Variants in SYT13 observed in about 807,000 individuals in gnomAD.
The protein encoded by SYT13 is synaptotagmin-13.
Under a neutral mutation model 38.6 loss-of-function variants are expected in SYT13, and 21 were observed. That is an observed-to-expected ratio of 0.54 (90% CI 0.39 to 0.78). The LOEUF is 0.78. Ranked by LOEUF, SYT13 falls within the 30% of genes least tolerant of loss-of-function variation. The pLI, the probability that SYT13 is intolerant of heterozygous loss-of-function variation, is 0.00. For missense variants in SYT13, 495 were observed against 548.7 expected (o/e 0.90, Z 0.98); for synonymous variants, 241 against 237.6 (o/e 1.01, Z -0.13).
At chr11:45,267,078 T>C (rs1168763039) in intron 1 of SYT13, among the ~76,000 whole-genome samples, 2 of 152,234 alleles carry the variant, frequency 1.3e-5, no homozygotes, top group African/African-American at 4.8e-5. Flanking sequence ...AATAACCTTA[T>C]AGGAAGTACA....
At chr11:45,270,264 C>T (rs1046069958) in intron 1 of SYT13, among the ~76,000 whole-genome samples, 2 of 152,200 alleles carry the variant, frequency 1.3e-5, no homozygotes, top group African/African-American at 4.8e-5. Flanking sequence ...GATAGGAACA[C>T]AATTGTTTAA....
chr11:45,245,032 C>G (rs915497513), intron 5 of SYT13, among the ~76,000 whole-genome samples: 4 of 152,210 alleles, frequency 2.6e-5, no homozygotes, highest in African/African-American at 9.6e-5. Context: ...TGTCTGTTAT[C>G]AAAATAGGAG....
At chr11:45,267,903 T>A (rs1440973859) in intron 1 of SYT13, among the ~76,000 whole-genome samples, 1 of 152,126 alleles carries the variant, frequency 6.6e-6, no homozygotes, top group Non-Finnish European at 1.5e-5. Flanking sequence ...TGTTATCCCT[T>A]CCAACACCTC....
intron 1 of SYT13, among the ~76,000 whole-genome samples, chr11:45,283,985 G>T (rs543594181): frequency 6.6e-6 from 1 of 152,344 alleles, no homozygotes; most frequent in South Asian, 2.1e-4. Context: ...CAGGAAGAGG[G>T]TGTTTTGTTT....
chr11:45,254,561 G>T, intron 2 of SYT13, 157 bp from the exon 3 acceptor site: 1 of 1,031,272 alleles, frequency 9.7e-7, no homozygotes, highest in Non-Finnish European at 1.3e-6. Context: ...AACAGGTGGG[G>T]TCAATGTCAC....
intron 1 of SYT13, among the ~76,000 whole-genome samples, chr11:45,261,789 C>T (rs1256808834): frequency 1.3e-5 from 2 of 150,556 alleles, no homozygotes; most frequent in Non-Finnish European, 3.0e-5. Flanking sequence ...TTGTGGTGCA[C>T]ACCTGTATCA....
chr11:45,255,714 G>C lies in SYT13; in HGVS notation c.361C>G (p.Arg121Gly), dbSNP rs369992005. 2.7e-5 allele frequency: 44 copies of C among 1,613,996 alleles called. 1 individual carries two copies. Among genetic ancestry groups the C allele is most frequent in the Non-Finnish European group, 3.7e-5 (44 of 1,180,038 alleles). Residue 121 changes from arginine to glycine, a missense_variant, in exon 2 of 6, where the codon CGC becomes GGC. Transcript: ENST00000020926. ...TCCTCTGTGACCTGCCTCTTGAGGC[G>C]ACTGTCATTCGGGGGTTGGGGGCTG... ...PASPQPPNDSRLKRQVTEELF... is the reference protein window; with the variant it reads ...PASPQPPNDSGLKRQVTEELF...
intron 2 of SYT13, 140 bp from the exon 3 acceptor site, chr11:45,254,544 C>T: frequency 8.2e-7 from 1 of 1,225,068 alleles, no homozygotes; most frequent in Non-Finnish European, 1.1e-6. Flanking sequence ...AGTGGCCACA[C>T]CAAGACAACA....
At position 45,255,819 on chromosome 11, in the gene SYT13, T is replaced by C; in HGVS notation, c.256A>G (p.Arg86Gly). 2 of 1,614,190 alleles carry C rather than the reference T, an allele frequency of 1.2e-6. No homozygotes were observed. Among genetic ancestry groups the C allele is most frequent in the Non-Finnish European group, 1.7e-6 (2 of 1,180,044 alleles). The stretch of plus-strand genomic sequence containing the variant: ...ACCTCTGGAGCCGTCACAGCTGGCC[T>C]GGGTCCATAGATGTCTGGGAACTTG... ...LLKFPDIYGPRPAVTAPEVIN... is the reference protein window; with the variant it reads ...LLKFPDIYGPGPAVTAPEVIN... The change falls in exon 2 of 6, where the codon AGG (arginine) becomes GGG (glycine). Residue 86 changes from arginine to glycine, a missense_variant. Arg to Gly is a moderately radical substitution (Grantham distance 125). Coordinates refer to ENST00000020926, the MANE Select transcript of SYT13 (RefSeq NM_020826.3).
At chr11:45,251,066 A>C (rs1016641199) in intron 4 of SYT13, among the ~76,000 whole-genome samples, 5 of 152,002 alleles carry the variant, frequency 3.3e-5, no homozygotes, top group African/African-American at 1.2e-4. Context: ...GTAGAGTCCT[A>C]AGCATAGTAA....
In SYT13 at chr11:45,252,485, C is replaced by T; in HGVS notation, c.782G>A (p.Gly261Asp). Residue 261 changes from glycine (G) to aspartate (D), a missense_variant, in exon 4 of 6, where the codon GGC becomes GAC. Physicochemically the swap from Gly to Asp is moderately conservative, Grantham distance 94. Coordinates refer to ENST00000020926, the MANE Select transcript of SYT13 (RefSeq NM_020826.3). The surrounding 1 kb of genome is among the most constrained non-coding windows in gnomAD (Gnocchi z 4.3). The part of the protein sequence containing the change: ...RHSVAGELRL[G>D]LDGTSVPLGA... Reference sequence around the variant, plus strand: ...TAGAGGCACAGATGTCCCGTCCAGGCCCAGGCGGAGCTCCCCGGCCACGCT... The same window carrying T: ...TAGAGGCACAGATGTCCCGTCCAGGTCCAGGCGGAGCTCCCCGGCCACGCT... 2.5e-6 allele frequency: 4 copies of T among 1,613,326 alleles called. No homozygotes were observed. The highest frequency in any genetic ancestry group is 1.1e-5 in the South Asian group (1 of 90,990).
chr11:45,254,221 A>G (rs754440443), intron 3 of SYT13, 49 bp downstream of exon 3: 2 of 1,564,480 alleles, frequency 1.3e-6, no homozygotes, highest in African/African-American at 1.4e-5. Flanking sequence ...CAGCTTCTCC[A>G]GGGGAGATAG....
chr11:45,255,793 G>A lies in SYT13; in HGVS notation c.282C>T (p.Val94=). Reference sequence around the variant, plus strand: ...TCAGTGAATAGTCTGCATAGTTGATGACCTCTGGAGCCGTCACAGCTGGCC... The same window carrying A: ...TCAGTGAATAGTCTGCATAGTTGATAACCTCTGGAGCCGTCACAGCTGGCC... ...GPRPAVTAPE[V]INYADYSLRS... is the part of the protein sequence containing the mutation. The change falls in exon 2 of 6, where the codon GTC becomes GTT. Residue 94 remains valine (V), a synonymous_variant. Coordinates refer to ENST00000020926, the MANE Select transcript of SYT13 (RefSeq NM_020826.3). 1 of 1,614,168 alleles carries A rather than the reference G, an allele frequency of 6.2e-7. No individual in the cohort carries two copies. Among genetic ancestry groups the A allele is most frequent in the African/African-American group, 1.3e-5 (1 of 75,038 alleles).
intron 2 of SYT13, 25 bp from the exon 3 acceptor site, chr11:45,254,429 C>T (rs1854718096): frequency 3.7e-6 from 6 of 1,606,094 alleles, no homozygotes; most frequent in Non-Finnish European, 5.1e-6. Flanking sequence ...GAAATCGTCA[C>T]TGCCACCCAC....
Position 45,276,730 on chromosome 11 carries a change from A to T in SYT13, c.183+9295T>A, listed in dbSNP as rs1437450067. ...GACTTTTTAAAAAAAAAAAATAAAT[A>T]AAATAAATAAAAATTAAAATACCAA... On this transcript the variant is annotated intron_variant, in intron 1 of 5. Transcript: ENST00000020926. Among the ~76,000 whole-genome samples, 4 of 151,926 alleles carry T rather than the reference A, an allele frequency of 2.6e-5. No homozygotes were observed. The East Asian group carries it at 7.7e-4, about 29-fold the overall frequency.
At chr11:45,245,071 C>T (rs934085005) in intron 5 of SYT13, among the ~76,000 whole-genome samples, 3 of 152,174 alleles carry the variant, frequency 2.0e-5, no homozygotes, top group Non-Finnish European at 4.4e-5. Context: ...GAGTTCTTCT[C>T]ATCCGTACTT....
At chr11:45,284,882 T>C (rs1428202376) in intron 1 of SYT13, among the ~76,000 whole-genome samples, 1 of 152,202 alleles carries the variant, frequency 6.6e-6, no homozygotes, top group African/African-American at 2.4e-5. Flanking sequence ...TCACTGTTCT[T>C]GGATTATAAG....
chr11:45,284,789 A>G (rs1855114158), intron 1 of SYT13, among the ~76,000 whole-genome samples: 1 of 152,178 alleles, frequency 6.6e-6, no homozygotes, highest in Non-Finnish European at 1.5e-5. Context: ...TGGCCAGTGG[A>G]AAGCCCACTA....
At chr11:45,265,303 T>C (rs939664383) in intron 1 of SYT13, among the ~76,000 whole-genome samples, 4 of 152,244 alleles carry the variant, frequency 2.6e-5, no homozygotes, top group Non-Finnish European at 5.9e-5. Context: ...ATTTGGCCGC[T>C]CAGGCGACAT....
Sources: allele counts gnomAD v4.1 joint callset (sites outside exome capture counted in the v4.1 genomes callset), GRCh38; gene constraint gnomAD v4.1.1; non-coding constraint Gnocchi (gnomAD v3.1); transcripts MANE v1.5; gene names NCBI Gene and HGNC (gene_info 2026-07-23, HGNC 2026-07-21).